Variants in PIGU observed in about 807,000 individuals in gnomAD.
PIGU encodes GPI-anchor transamidase component PIGU.
PIGU carries 24 observed loss-of-function variants against 49.9 expected under a neutral mutation model. That is an observed-to-expected ratio of 0.48 (90% CI 0.35 to 0.68). PIGU has a LOEUF of 0.68. Ranked by LOEUF, PIGU falls within the 30% of genes least tolerant of loss-of-function variation. The pLI, the probability that PIGU is intolerant of heterozygous loss-of-function variation, is 0.01. For synonymous variants in PIGU, 220 were observed against 205.7 expected, an observed-to-expected ratio of 1.07 and a Z score of -0.59; for missense variants, 490 against 532.6, an observed-to-expected ratio of 0.92 and a Z score of 0.79.
chr20:34,629,018 C>CTT (rs112907819), intron 6 of PIGU, among the ~76,000 whole-genome samples: 2 of 141,212 alleles, frequency 1.4e-5, no homozygotes. Flanking sequence ...CCATGTGTAA[C>CTT]TTTTTTTTTT....
intron 5 of PIGU, among the ~76,000 whole-genome samples, chr20:34,635,682 C>A (rs1158467497): frequency 6.6e-6 from 1 of 151,264 alleles, no homozygotes; most frequent in African/African-American, 2.4e-5. Flanking sequence ...TTGAGACCAG[C>A]CTGACCAACA....
At chr20:34,666,289 G>T (rs1340078728) in intron 1 of PIGU, among the ~76,000 whole-genome samples, 3 of 152,018 alleles carry the variant, frequency 2.0e-5, no homozygotes, top group African/African-American at 7.2e-5. Flanking sequence ...GATACCCATA[G>T]AACTCAACTT....
chr20:34,663,297 G>A (rs745515778), intron 1 of PIGU, among the ~76,000 whole-genome samples: 2 of 152,064 alleles, frequency 1.3e-5, no homozygotes, highest in Non-Finnish European at 2.9e-5. Context: ...GGCAACATAA[G>A]GAGACCCTGT....
At chr20:34,659,061 G>A (rs564098795) in intron 1 of PIGU, among the ~76,000 whole-genome samples, 27 of 142,140 alleles carry the variant, frequency 1.9e-4, no homozygotes, top group Non-Finnish European at 2.5e-4. Context: ...CAGCTGCCCC[G>A]TCCGGGAGGG....
At chr20:34,617,283 T>C (rs1263998963) in intron 6 of PIGU, among the ~76,000 whole-genome samples, 2 of 151,760 alleles carry the variant, frequency 1.3e-5, no homozygotes, top group Non-Finnish European at 2.9e-5. Flanking sequence ...ACCGTGGGCC[T>C]GGAAAAGCCA....
chr20:34,662,779 A>G (rs533550689), intron 1 of PIGU, among the ~76,000 whole-genome samples: 18 of 152,246 alleles, frequency 1.2e-4, no homozygotes, highest in Non-Finnish European at 2.1e-4. Context: ...GGAAAAATAA[A>G]TATTTAAATG....
At chr20:34,675,316 T>C (rs1252752474) in intron 1 of PIGU, among the ~76,000 whole-genome samples, 3 of 149,668 alleles carry the variant, frequency 2.0e-5, no homozygotes, top group Non-Finnish European at 4.4e-5. Flanking sequence ...CAGGTAATTA[T>C]GAGATAAGAA....
intron 11 of PIGU, among the ~76,000 whole-genome samples, chr20:34,569,725 G>A (rs1982926480): frequency 1.3e-5 from 2 of 152,180 alleles, no homozygotes; most frequent in African/African-American, 2.4e-5. Context: ...GGCACGGGGA[G>A]GTCAGGGTGT....
chr20:34,667,391 T>C (rs1466917918), intron 1 of PIGU, among the ~76,000 whole-genome samples: 1 of 152,028 alleles, frequency 6.6e-6, no homozygotes, highest in Non-Finnish European at 1.5e-5. Flanking sequence ...CCAGGGCCCT[T>C]GAAGAAGTGG....
chr20:34,651,110 G>C (rs1240031782), intron 2 of PIGU, among the ~76,000 whole-genome samples: 1 of 152,172 alleles, frequency 6.6e-6, no homozygotes, highest in Admixed American at 6.5e-5. Flanking sequence ...ATTTCTTTAA[G>C]CTGGTAATTA....
intron 2 of PIGU, among the ~76,000 whole-genome samples, chr20:34,652,729 AAT>A (rs1986578537): frequency 6.6e-6 from 1 of 152,136 alleles, no homozygotes; most frequent in South Asian, 2.1e-4. Flanking sequence ...GTTAATTAAG[AAT>A]ATGTTACTCA....
At chr20:34,666,160 C>T (rs570350031) in intron 1 of PIGU, among the ~76,000 whole-genome samples, 38 of 151,812 alleles carry the variant, frequency 2.5e-4, no homozygotes, top group African/African-American at 8.5e-4. Context: ...TACTCCAGCC[C>T]GGGCGATAGA....
intron 11 of PIGU, among the ~76,000 whole-genome samples, chr20:34,571,382 T>C (rs546800834): frequency 5.0e-4 from 76 of 152,318 alleles, no homozygotes; most frequent in South Asian, 1.9e-3. Context: ...GGTATGGCAC[T>C]GAACAACTCA....
intron 4 of PIGU, among the ~76,000 whole-genome samples, chr20:34,640,121 C>A (rs1466523390): frequency 1.3e-5 from 2 of 152,182 alleles, no homozygotes; most frequent in Non-Finnish European, 2.9e-5. Context: ...GGCTGGAAGC[C>A]AGCCAGCAGG....
chr20:34,637,175 G>T (rs1048570825), intron 5 of PIGU, among the ~76,000 whole-genome samples: 6 of 152,148 alleles, frequency 3.9e-5, no homozygotes. Flanking sequence ...GTCTCACAAG[G>T]CCCCTTCTAA....
At chr20:34,575,667 A>T (rs975195168) in intron 10 of PIGU, among the ~76,000 whole-genome samples, 2 of 152,070 alleles carry the variant, frequency 1.3e-5, no homozygotes, top group African/African-American at 4.8e-5. Context: ...ATGAACCGTG[A>T]CGATTAGAGC....
rs1985823190 is a variant in PIGU, at chr20:34,632,600, C to T, written c.529+2015G>A. 4.0e-5 allele frequency among the ~76,000 whole-genome samples: 6 copies of T among 151,886 alleles called. No individual in the cohort carries two copies. In the South Asian group the frequency reaches 1.0e-3, roughly 26 times the overall value. ...CAGGCTGGTCTTGAACTCCTGACCT[C>T]GTGATCTACCTGCCTTGGCCTCCCA... On this transcript the variant is annotated intron_variant, in intron 6 of 11. Coordinates refer to ENST00000217446, the MANE Select transcript of PIGU (RefSeq NM_080476.5).
intron 1 of PIGU, among the ~76,000 whole-genome samples, chr20:34,660,542 G>A (rs1986899177): frequency 6.6e-6 from 1 of 152,182 alleles, no homozygotes; most frequent in Non-Finnish European, 1.5e-5. Flanking sequence ...CCAAGATTGT[G>A]CCACTGCACT....
chr20:34,656,437 C>T (rs993219082), intron 2 of PIGU, among the ~76,000 whole-genome samples: 2 of 125,860 alleles, frequency 1.6e-5, no homozygotes, highest in East Asian at 2.4e-4. Flanking sequence ...CGCCCACTAC[C>T]GCGCCCAGCT....
Sources: allele counts gnomAD v4.1 joint callset (sites outside exome capture counted in the v4.1 genomes callset), GRCh38; gene constraint gnomAD v4.1.1; transcripts MANE v1.5; gene names NCBI Gene and HGNC (gene_info 2026-07-23, HGNC 2026-07-21).